The following SV2C variants were observed in gnomAD, a reference collection of about 807,000 sequenced individuals.
SV2C encodes solute carrier family 22 member B3.
Under a neutral mutation model 79.7 loss-of-function variants are expected in SV2C, and 49 were observed. That is an observed-to-expected ratio of 0.61 (90% CI 0.49 to 0.78). The LOEUF is 0.78. Ranked by LOEUF, SV2C falls within the 30% of genes least tolerant of loss-of-function variation. SV2C has a pLI of 0.00. For synonymous variants in SV2C, 334 were observed against 333.2 expected, an observed-to-expected ratio of 1.00 and a Z score of -0.03; for missense variants, 833 against 912.9, an observed-to-expected ratio of 0.91 and a Z score of 1.13.
At chr5:76,052,193 C>G in the SV2C span, among the ~76,000 whole-genome samples, 2 of 152,126 alleles carry the variant, frequency 1.3e-5, no homozygotes, top group African/African-American at 4.8e-5. Flanking sequence ...CCAATCAATT[C>G]TGAGAAATTT....
chr5:75,917,303 C>T, the SV2C span, among the ~76,000 whole-genome samples: 1 of 152,226 alleles, frequency 6.6e-6, no homozygotes, highest in Admixed American at 6.5e-5. Flanking sequence ...GACTACCTGA[C>T]AGGCATGTGT....
the SV2C span, among the ~76,000 whole-genome samples, chr5:75,986,452 C>A: frequency 1.3e-5 from 2 of 151,816 alleles, no homozygotes; most frequent in Admixed American, 1.3e-4. Context: ...AACATTGCCC[C>A]TCAGAGCCTC....
chr5:75,900,025 G>C, the SV2C span, among the ~76,000 whole-genome samples: 1 of 152,016 alleles, frequency 6.6e-6, no homozygotes. Flanking sequence ...TATCCAATTT[G>C]CCAGTCTGTC....
chr5:76,308,103 A>G (rs1748269512), intron 12 of SV2C, among the ~76,000 whole-genome samples: 1 of 152,208 alleles, frequency 6.6e-6, no homozygotes, highest in African/African-American at 2.4e-5. Context: ...GATTGGAAGC[A>G]GTCATTTACA....
chr5:76,030,003 G>A, the SV2C span, among the ~76,000 whole-genome samples: 483 of 152,178 alleles, frequency 3.2e-3, 5 homozygotes, highest in African/African-American at 0.011. Context: ...GGCAGATTTC[G>A]ATCCAGGTGA....
At chr5:76,025,975 G>T in the SV2C span, among the ~76,000 whole-genome samples, 1 of 151,960 alleles carries the variant, frequency 6.6e-6, no homozygotes, top group Non-Finnish European at 1.5e-5. Context: ...GTGGGAGGTG[G>T]GTGGAGAAGA....
At position 76,131,694 on chromosome 5, in the gene SV2C, AC is replaced by A; in HGVS notation, c.-56del. Reference sequence around the variant, plus strand: ...TGGATGATGCTGTCAGAGCTGAACCACTGAAAGGAGGCTGTGAAAATTTCCC... The same window carrying A: ...TGGATGATGCTGTCAGAGCTGAACCATGAAAGGAGGCTGTGAAAATTTCCC... On this transcript the variant is annotated 5_prime_UTR_variant, in exon 2 of 13. The change creates a new upstream start codon in the 5' untranslated region. Coordinates refer to ENST00000502798, the MANE Select transcript of SV2C (RefSeq NM_014979.4). The A allele has an allele frequency of 1.4e-6, 2 of 1,477,246 alleles. No individual in the cohort carries two copies. Among genetic ancestry groups the A allele is most frequent in the East Asian group, 2.3e-5 (1 of 43,784 alleles). The allele number at this position is 1,477,246 out of a possible 1,614,324, so 91.5% of individuals were successfully genotyped here.
the SV2C span, among the ~76,000 whole-genome samples, chr5:76,036,342 G>A: frequency 5.3e-5 from 8 of 152,066 alleles, no homozygotes; most frequent in South Asian, 2.1e-4. Flanking sequence ...CCTAGTCTCA[G>A]TGGTCTTTAC....
At chr5:75,960,427 CTGTTATAAGA>C in the SV2C span, among the ~76,000 whole-genome samples, 42 of 152,046 alleles carry the variant, frequency 2.8e-4, no homozygotes, top group Middle Eastern at 0.027. Context: ...GATGTCATAG[CTGTTATAAGA>C]TTGTAGCACA....
Position 76,333,812 on chromosome 5 carries a change from G to A in SV2C, c.*8265G>A, listed in dbSNP as rs901062532. 6.6e-6 allele frequency: 1 copy of A among 152,144 alleles called. No individual in the cohort carries two copies. Among genetic ancestry groups the A allele is most frequent in the Non-Finnish European group, 1.5e-5 (1 of 68,038 alleles). 9.4% of individuals were successfully genotyped at this position (152,144 alleles called of 1,614,324 possible). A position where few individuals can be genotyped will look rare whatever the true frequency, so the allele number is the denominator to read the frequency against. On this transcript the variant is annotated 3_prime_UTR_variant, in exon 13 of 13. Transcript: ENST00000502798. ...GCATGCTCCATGTGGGATGGCTCGT[G>A]TACAGCATAAATCTATCAAACTTGG...
intron 4 of SV2C, among the ~76,000 whole-genome samples, chr5:76,273,925 G>A (rs1746948455): frequency 6.6e-6 from 1 of 152,222 alleles, no homozygotes; most frequent in Admixed American, 6.5e-5. Flanking sequence ...ACAGCCCCAA[G>A]GGTCCAAGAT....
intron 12 of SV2C, among the ~76,000 whole-genome samples, chr5:76,348,478 TA>T (rs1303268919): frequency 6.6e-6 from 1 of 152,220 alleles, no homozygotes; most frequent in African/African-American, 2.4e-5. Flanking sequence ...GGATTATTTG[TA>T]AGGATATGTT....
chr5:76,273,216 A>G (rs1746928016), intron 4 of SV2C, among the ~76,000 whole-genome samples: 1 of 150,186 alleles, frequency 6.7e-6, no homozygotes, highest in Admixed American at 6.6e-5. Flanking sequence ...GACCTATACT[A>G]TCATAACATT....
rs968243007 is a variant in SV2C, at chr5:76,130,764, C to T, written c.-101-886C>T. On this transcript the variant is annotated intron_variant, in intron 1 of 12. Coordinates refer to ENST00000502798, the MANE Select transcript of SV2C (RefSeq NM_014979.4). ...TCCTGGAAGGTCCAGACTTTACTAC[C>T]AAAACAGCAGCTAACCAGAGTGGCA... 2.6e-5 allele frequency among the ~76,000 whole-genome samples: 4 copies of T among 152,160 alleles called. No homozygotes were observed. In the East Asian group the frequency reaches 7.7e-4, roughly 29 times the overall value.
the SV2C span, among the ~76,000 whole-genome samples, chr5:75,984,609 A>G: frequency 7.0e-6 from 1 of 142,204 alleles, no homozygotes. Flanking sequence ...CTATCTATCT[A>G]TCTATCTATC....
At position 76,301,522 on chromosome 5, in the gene SV2C, G is replaced by A. The variant is rs1212930405; in HGVS notation, c.1977G>A (p.Val659=). Residue 659 remains valine (V), a synonymous_variant, in exon 12 of 13, where the codon GTG becomes GTA. Coordinates refer to ENST00000502798, the MANE Select transcript of SV2C (RefSeq NM_014979.4). ...SAWNSLDVVT[V]ELYPTDRRAT... is the part of the protein sequence containing the mutation. ...GGAACTCTCTTGACGTGGTCACTGTGGAACTGTACCCCACAGACCGGAGGT... is the reference window on the plus strand; with the variant it reads ...GGAACTCTCTTGACGTGGTCACTGTAGAACTGTACCCCACAGACCGGAGGT... 6.2e-7 allele frequency: 1 copy of A among 1,613,780 alleles called. No individual in the cohort carries two copies.
chr5:76,230,133 G>T (rs951630347), intron 4 of SV2C, among the ~76,000 whole-genome samples: 4 of 152,174 alleles, frequency 2.6e-5, no homozygotes, highest in African/African-American at 9.7e-5. Flanking sequence ...CATAAAAGCA[G>T]CTGAGTGTAA....
chr5:76,056,545 A>G, the SV2C span, among the ~76,000 whole-genome samples: 5 of 148,700 alleles, frequency 3.4e-5, no homozygotes, highest in African/African-American at 9.9e-5. Flanking sequence ...TCAATTGTTT[A>G]GTTTCAGAAA....
chr5:76,146,856 C>CA (rs942367791), intron 2 of SV2C, among the ~76,000 whole-genome samples: 7 of 69,896 alleles, frequency 1.0e-4, no homozygotes, highest in East Asian at 5.0e-4. Context: ...GGAAAATAAA[C>CA]AAAAAAAAAG....
Sources: gnomAD v4.1 joint callset for allele counts (sites outside exome capture counted in the v4.1 genomes callset) on GRCh38, gnomAD v4.1.1 for gene constraint, MANE v1.5 for transcripts, NCBI Gene and HGNC (gene_info 2026-07-23, HGNC 2026-07-21) for gene names.